Variants in CNIH3 observed in about 807,000 individuals in gnomAD.
The protein encoded by CNIH3 is cornichon family AMPA receptor auxiliary protein 3.
In CNIH3, 14 loss-of-function variants were observed where a neutral mutation model predicts 24.1. That is an observed-to-expected ratio of 0.58 (90% confidence interval 0.38 to 0.91). The LOEUF is 0.91. CNIH3 is among the 40% of genes least tolerant of loss of function. The pLI is 0.00. For synonymous variants in CNIH3, 68 were observed against 73.8 expected (o/e 0.92, Z 0.40); for missense variants, 178 against 196.8 (o/e 0.90, Z 0.57).
chr1:224,447,965 G>T (rs996605242), intron 1 of CNIH3, among the ~76,000 whole-genome samples: 6 of 152,182 alleles, frequency 3.9e-5, no homozygotes, highest in Admixed American at 3.9e-4. Context: ...CACACAGCTC[G>T]TCAAGGGCAA....
chr1:224,670,808 C>T (rs945545348), intron 1 of CNIH3, among the ~76,000 whole-genome samples: 6 of 152,210 alleles, frequency 3.9e-5, no homozygotes, highest in African/African-American at 1.4e-4. Flanking sequence ...GTGACAGTCC[C>T]TAGTATTGGG....
At chr1:224,609,174 G>A (rs1279695567) in intron 3 of CNIH3, among the ~76,000 whole-genome samples, 1 of 152,194 alleles carries the variant, frequency 6.6e-6, no homozygotes, top group African/African-American at 2.4e-5. Context: ...ACACTGAGGG[G>A]TGAGAAAATC....
chr1:224,572,597 G>GGAGAT (rs1328073776), intron 4 of CNIH3, among the ~76,000 whole-genome samples: 1 of 149,258 alleles, frequency 6.7e-6, no homozygotes, highest in Non-Finnish European at 1.5e-5. Context: ...GAGGATTATT[G>GGAGAT]GAGATTGATC....
intron 4 of CNIH3, among the ~76,000 whole-genome samples, chr1:224,577,687 A>G (rs948759038): frequency 5.9e-5 from 9 of 152,200 alleles, no homozygotes; most frequent in Middle Eastern, 3.2e-3. Flanking sequence ...TTGTAGAACT[A>G]TTGTTTGATC....
intron 5 of CNIH3, among the ~76,000 whole-genome samples, chr1:224,735,148 C>A (rs1689531535): frequency 1.3e-5 from 2 of 152,158 alleles, no homozygotes; most frequent in African/African-American, 2.4e-5. Context: ...GCCCCAAACT[C>A]CCCACCCCAG....
chr1:224,688,773 A>C (rs1021446236), intron 3 of CNIH3, among the ~76,000 whole-genome samples: 1 of 151,632 alleles, frequency 6.6e-6, no homozygotes, highest in South Asian at 2.1e-4. Flanking sequence ...AAACCCCCAC[A>C]AATTAGTCGG....
chr1:224,436,158 TC>T (rs1255429862), intron 1 of CNIH3, among the ~76,000 whole-genome samples: 1 of 152,154 alleles, frequency 6.6e-6, no homozygotes, highest in Non-Finnish European at 1.5e-5. Flanking sequence ...TAAATTTGCT[TC>T]CAGGTGGCAG....
chr1:224,569,588 G>C (rs1389450223), intron 4 of CNIH3, among the ~76,000 whole-genome samples: 1 of 152,064 alleles, frequency 6.6e-6, no homozygotes, highest in African/African-American at 2.4e-5. Flanking sequence ...CTTCATTCTT[G>C]CTAGATTATT....
chr1:224,579,066 TC>T, intron 4 of CNIH3, among the ~76,000 whole-genome samples: 1 of 147,990 alleles, frequency 6.8e-6, no homozygotes, highest in African/African-American at 2.5e-5. Flanking sequence ...GTTTCTTTTT[TC>T]TTTTTTTTTT....
intron 1 of CNIH3, among the ~76,000 whole-genome samples, chr1:224,625,549 C>A (rs537182322): frequency 1.6e-4 from 25 of 152,320 alleles, no homozygotes; most frequent in South Asian, 6.2e-4. Context: ...GAGCGAGACT[C>A]CGTCTCAAAA....
chr1:224,573,443 A>G (rs773712083), intron 4 of CNIH3, among the ~76,000 whole-genome samples: 12 of 152,070 alleles, frequency 7.9e-5, no homozygotes, highest in Admixed American at 4.6e-4. Context: ...TTGCTGTGGA[A>G]CTCTAAGCTG....
intron 1 of CNIH3, among the ~76,000 whole-genome samples, chr1:224,452,849 G>A (rs368555955): frequency 4.0e-5 from 6 of 150,834 alleles, no homozygotes; most frequent in Admixed American, 6.6e-5. Context: ...GGCCAGGTGC[G>A]GTGGCTCGTG....
In CNIH3 at chr1:224,697,105, C is replaced by A. The variant is rs1002049281; in HGVS notation, c.198+12262C>A. Among the ~76,000 whole-genome samples, 10 of 152,264 alleles carry A rather than the reference C, an allele frequency of 6.6e-5. No homozygotes were observed. The East Asian group carries it at 1.4e-3, about 21-fold the overall frequency. On this transcript the variant is annotated intron_variant, in intron 3 of 5. Coordinates refer to ENST00000272133, the MANE Select transcript of CNIH3 (RefSeq NM_152495.2). Reference sequence around the variant, plus strand: ...TTTTCATAATGCGTGAGCAGGAATTCCCACTGCTGAGCATGGGATAAAGGC... The same window carrying A: ...TTTTCATAATGCGTGAGCAGGAATTACCACTGCTGAGCATGGGATAAAGGC...
At chr1:224,734,942 C>T (rs1298269532) in intron 5 of CNIH3, among the ~76,000 whole-genome samples, 1 of 152,148 alleles carries the variant, frequency 6.6e-6, no homozygotes, top group African/African-American at 2.4e-5. Context: ...ATCCTTAGGG[C>T]CACGCAGTGA....
At chr1:224,541,183 C>T (rs1253974159), downstream of CNIH3, among the ~76,000 whole-genome samples, 2 of 152,138 alleles carry the variant, frequency 1.3e-5, no homozygotes, top group African/African-American at 2.4e-5. Context: ...AAAAGCACAG[C>T]GGAAAGCAGA....
intron 1 of CNIH3, among the ~76,000 whole-genome samples, chr1:224,464,580 ATCCTT>A (rs767777119): frequency 5.9e-5 from 9 of 152,228 alleles, no homozygotes; most frequent in Non-Finnish European, 1.5e-5. Context: ...TGAAAAAACT[ATCCTT>A]TCTCCATTGG....
intron 2 of CNIH3, among the ~76,000 whole-genome samples, chr1:224,527,556 C>T (rs116481481): frequency 6.3e-4 from 96 of 152,308 alleles, no homozygotes; most frequent in African/African-American, 2.2e-3. Context: ...AGTTACTCCA[C>T]TCTGTATTTA....
rs542465345 is a variant in CNIH3 at position 224,671,254 on chromosome 1, G to A, written c.82-9704G>A. ...GACCAATACAGAGATGAAATGGGGTGGAGTTAGGGCAAGACTCTGGGCCTC... is the reference window on the plus strand; with the variant it reads ...GACCAATACAGAGATGAAATGGGGTAGAGTTAGGGCAAGACTCTGGGCCTC... On this transcript the variant is annotated intron_variant, in intron 1 of 5. Coordinates refer to ENST00000272133, the MANE Select transcript of CNIH3 (RefSeq NM_152495.2). Among the ~76,000 whole-genome samples the A allele has an allele frequency of 9.8e-5, 15 of 152,330 alleles. No individual in the cohort carries two copies. In the East Asian group the frequency reaches 2.9e-3, roughly 29 times the overall value.
intron 3 of CNIH3, among the ~76,000 whole-genome samples, chr1:224,720,842 G>T (rs746945576): frequency 6.6e-6 from 1 of 152,164 alleles, no homozygotes; most frequent in Non-Finnish European, 1.5e-5. Context: ...TAGCCCACGT[G>T]ATGGAACGGA....
Sources: allele counts gnomAD v4.1 joint callset (sites outside exome capture counted in the v4.1 genomes callset), GRCh38; gene constraint gnomAD v4.1.1; transcripts MANE v1.5; gene names NCBI Gene and HGNC (gene_info 2026-07-23, HGNC 2026-07-21).